The following CADM2 variants were observed in gnomAD, a reference collection of about 807,000 sequenced individuals.
The protein encoded by CADM2 is immunoglobulin superfamily member 4D.
A neutral mutation model predicts 49.8 loss-of-function variants in CADM2; 12 were observed. The observed-to-expected ratio is 0.24, with a 90% CI of 0.15 to 0.39. CADM2 has a LOEUF of 0.39. Among genes scored for constraint, CADM2 ranks in the 10% least tolerant of loss-of-function variants. CADM2 has a pLI of 1.00. For missense variants in CADM2, 378 were observed against 492.3 expected (o/e 0.77, Z 2.20); for synonymous variants, 214 against 175.4 (o/e 1.22, Z -1.74).
At chr3:85,332,357 A>C (rs933240899) in intron 1 of CADM2, among the ~76,000 whole-genome samples, 1 of 152,006 alleles carries the variant, frequency 6.6e-6, no homozygotes, top group African/African-American at 2.4e-5. Context: ...CCCAATTTAA[A>C]AATATAATGC....
intron 1 of CADM2, among the ~76,000 whole-genome samples, chr3:85,600,357 T>C (rs1444498637): frequency 6.6e-6 from 1 of 151,988 alleles, no homozygotes; most frequent in African/African-American, 2.4e-5. Context: ...AGGAACAATA[T>C]CTGTCTTGTT....
chr3:85,305,308 TAACTGGAAGG>T (rs2044187307), intron 1 of CADM2, among the ~76,000 whole-genome samples: 1 of 151,614 alleles, frequency 6.6e-6, no homozygotes, highest in South Asian at 2.1e-4. Context: ...AATTTATTTT[TAACTGGAAGG>T]GAAAAAAATC....
chr3:85,353,817 T>A (rs2031588465), intron 1 of CADM2, among the ~76,000 whole-genome samples: 1 of 152,034 alleles, frequency 6.6e-6, no homozygotes, highest in Non-Finnish European at 1.5e-5. Context: ...CATTTGTCCT[T>A]GCTTTATAAT....
At chr3:85,529,643 G>A (rs2061250621) in intron 1 of CADM2, among the ~76,000 whole-genome samples, 1 of 151,904 alleles carries the variant, frequency 6.6e-6, no homozygotes, top group Non-Finnish European at 1.5e-5. Flanking sequence ...CCTTGTCTCT[G>A]ACCTCCAGCT....
intron 2 of CADM2, among the ~76,000 whole-genome samples, chr3:85,777,077 T>C (rs1000094792): frequency 3.9e-5 from 6 of 152,064 alleles, no homozygotes; most frequent in Non-Finnish European, 5.9e-5. Flanking sequence ...ATTTCCAGAA[T>C]GTACATAAAT....
At chr3:86,014,754 G>T in intron 8 of CADM2, 2 of 1,488,462 alleles carry the variant, frequency 1.3e-6, no homozygotes, top group Admixed American at 4.5e-5. Context: ...CACGCTCTCA[G>T]CCAAGCTTCA....
At chr3:85,651,827 T>TC (rs1191777665) in intron 1 of CADM2, among the ~76,000 whole-genome samples, 1 of 151,012 alleles carries the variant, frequency 6.6e-6, no homozygotes, top group Non-Finnish European at 1.5e-5. Flanking sequence ...TTTTTCTTTT[T>TC]TTTTTTTTGA....
Position 85,259,729 on chromosome 3 carries a change from G to C in CADM2, c.61+300061G>C, listed in dbSNP as rs189772888. ...GGAGCACTCTGGCCCCAATCATTTA[G>C]ATACAGAATTTCAAATCAAAGTGTT... On this transcript the variant is annotated intron_variant, in intron 1 of 9. Coordinates refer to ENST00000383699, the MANE Select transcript of CADM2 (RefSeq NM_001167675.2). Among the ~76,000 whole-genome samples the C allele has an allele frequency of 2.2e-4, 33 of 152,208 alleles. No homozygotes were observed. In the East Asian group the frequency reaches 6.0e-3, roughly 28 times the overall value.
intron 1 of CADM2, among the ~76,000 whole-genome samples, chr3:85,106,386 G>T (rs1431987242): frequency 1.3e-5 from 2 of 152,058 alleles, no homozygotes; most frequent in African/African-American, 4.8e-5. Flanking sequence ...TGAAGAGAAG[G>T]TACTTTCTTC....
intron 1 of CADM2, among the ~76,000 whole-genome samples, chr3:85,169,066 C>T (rs1435053411): frequency 2.6e-5 from 4 of 152,148 alleles, no homozygotes; most frequent in Admixed American, 6.5e-5. Flanking sequence ...GATTCTTCTG[C>T]CTCAGCCTCA....
chr3:85,310,059 T>C (rs2044306883), intron 1 of CADM2, among the ~76,000 whole-genome samples: 1 of 152,234 alleles, frequency 6.6e-6, no homozygotes, highest in Non-Finnish European at 1.5e-5. Flanking sequence ...TGTTTTAAAG[T>C]ACTTTGTCCT....
intron 1 of CADM2, among the ~76,000 whole-genome samples, chr3:85,143,845 G>A (rs1308670786): frequency 6.6e-6 from 1 of 152,042 alleles, no homozygotes; most frequent in African/African-American, 2.4e-5. Flanking sequence ...ATAGCATGCC[G>A]TTCCATGGCT....
In CADM2 at chr3:85,552,993, A is replaced by T. The variant is rs561877156; in HGVS notation, c.62-173529A>T. Among the ~76,000 whole-genome samples, 15 of 152,146 alleles carry T rather than the reference A, an allele frequency of 9.9e-5. No individual in the cohort carries two copies. The East Asian group carries it at 1.4e-3, about 14-fold the overall frequency. ...GTCCTGGCCTCTTAGTTTATTTTTT[A>T]AAAATATTTTTAAGTTTTTGACTAC... On this transcript the variant is annotated intron_variant, in intron 1 of 9. Transcript: ENST00000383699.
intron 3 of CADM2, among the ~76,000 whole-genome samples, chr3:85,827,236 A>G (rs1394025232): frequency 6.6e-6 from 1 of 152,050 alleles, no homozygotes; most frequent in African/African-American, 2.4e-5. Context: ...AAAATATATG[A>G]CCATAAAATC....
chr3:85,577,706 A>T (rs1281142007), intron 1 of CADM2, among the ~76,000 whole-genome samples: 1 of 152,178 alleles, frequency 6.6e-6, no homozygotes, highest in African/African-American at 2.4e-5. Context: ...TTAAAATTAA[A>T]AACATTTTAA....
At chr3:84,975,894 C>T (rs2031788038) in intron 1 of CADM2, among the ~76,000 whole-genome samples, 1 of 151,768 alleles carries the variant, frequency 6.6e-6, no homozygotes, top group Non-Finnish European at 1.5e-5. Flanking sequence ...CCTCCCCAAA[C>T]AAAATGAAAA....
intron 8 of CADM2, among the ~76,000 whole-genome samples, chr3:85,982,430 A>G (rs1727587261): frequency 6.6e-6 from 1 of 151,622 alleles, no homozygotes; most frequent in South Asian, 2.1e-4. Flanking sequence ...AAATCACACA[A>G]AAATATTTTT....
intron 1 of CADM2, among the ~76,000 whole-genome samples, chr3:85,461,145 G>T (rs2038227238): frequency 6.6e-6 from 1 of 151,920 alleles, no homozygotes; most frequent in Non-Finnish European, 1.5e-5. Context: ...TTAATCAAAG[G>T]ATCATTCACT....
At chr3:85,404,261 G>A (rs543711673) in intron 1 of CADM2, among the ~76,000 whole-genome samples, 287 of 152,070 alleles carry the variant, frequency 1.9e-3, no homozygotes, top group Non-Finnish European at 3.7e-3. Context: ...ATTCACCATA[G>A]CATTCCTTCA....
Sources: allele counts gnomAD v4.1 joint callset (sites outside exome capture counted in the v4.1 genomes callset), GRCh38; gene constraint gnomAD v4.1.1; transcripts MANE v1.5; gene names NCBI Gene and HGNC (gene_info 2026-07-23, HGNC 2026-07-21).